VAV3: variants seen among roughly 807,000 people sequenced by gnomAD.
VAV3 encodes guanine nucleotide exchange factor VAV3.
VAV3 carries 94 observed loss-of-function variants against 131.2 expected under a neutral mutation model. The observed-to-expected ratio is 0.72, with a 90% CI of 0.61 to 0.85. The LOEUF is 0.85. VAV3 is among the 40% of genes least tolerant of loss of function. VAV3 has a pLI of 0.00. For missense variants in VAV3, 939 were observed against 1,002.7 expected (o/e 0.94, Z 0.86); for synonymous variants, 349 against 342.0 (o/e 1.02, Z -0.22).
chr1:107,659,593 A>G (rs1017440718), intron 19 of VAV3, among the ~76,000 whole-genome samples: 5 of 152,188 alleles, frequency 3.3e-5, no homozygotes, highest in Admixed American at 6.5e-5. Flanking sequence ...GATAAACATA[A>G]AAATATTTTG....
chr1:107,921,617 C>A (rs1672901931), intron 1 of VAV3, among the ~76,000 whole-genome samples: 1 of 152,180 alleles, frequency 6.6e-6, no homozygotes, highest in Admixed American at 6.5e-5. Flanking sequence ...CCATAACCAG[C>A]CATCCCTTAG....
intron 1 of VAV3, among the ~76,000 whole-genome samples, chr1:107,928,250 C>T (rs1024701262): frequency 6.6e-6 from 1 of 152,090 alleles, no homozygotes; most frequent in Admixed American, 6.5e-5. Context: ...GATCACAACA[C>T]CCAAGTCCTT....
chr1:107,743,218 T>C (rs764104226), intron 15 of VAV3, among the ~76,000 whole-genome samples: 4 of 152,162 alleles, frequency 2.6e-5, no homozygotes, highest in Non-Finnish European at 2.9e-5. Flanking sequence ...CAGAGCTTTC[T>C]AAGAGGGGCA....
At chr1:107,717,075 G>A (rs916745130) in intron 15 of VAV3, among the ~76,000 whole-genome samples, 12 of 152,102 alleles carry the variant, frequency 7.9e-5, no homozygotes, top group South Asian at 4.1e-4. Flanking sequence ...CTGTGGGATC[G>A]ATGGTGATAT....
intron 19 of VAV3, among the ~76,000 whole-genome samples, chr1:107,679,591 T>C (rs1259213984): frequency 6.6e-6 from 1 of 152,150 alleles, no homozygotes; most frequent in East Asian, 1.9e-4. Flanking sequence ...AAAGAATACA[T>C]GCCCTGGTAT....
At chr1:107,698,091 G>A (rs775507100) in intron 17 of VAV3, among the ~76,000 whole-genome samples, 4 of 152,114 alleles carry the variant, frequency 2.6e-5, no homozygotes, top group Non-Finnish European at 5.9e-5. Context: ...CTGTGCCTTG[G>A]TTTCTCATCT....
At chr1:107,920,013 G>A (rs1672818024) in intron 1 of VAV3, among the ~76,000 whole-genome samples, 1 of 152,062 alleles carries the variant, frequency 6.6e-6, no homozygotes, top group Non-Finnish European at 1.5e-5. Flanking sequence ...AAAAATCGGT[G>A]GTAATCTTTT....
chr1:107,871,280 G>A (rs964184906), intron 2 of VAV3, among the ~76,000 whole-genome samples: 1 of 151,898 alleles, frequency 6.6e-6, no homozygotes, highest in South Asian at 2.1e-4. Context: ...TTTTTCAAAA[G>A]TAAGAAAGTA....
chr1:107,945,168 G>A (rs1674189852), intron 1 of VAV3, among the ~76,000 whole-genome samples: 1 of 152,098 alleles, frequency 6.6e-6, no homozygotes, highest in Non-Finnish European at 1.5e-5. Flanking sequence ...ATGAAAAGCT[G>A]ATAGATATTA....
chr1:107,599,167 C>T (rs892933686), intron 24 of VAV3, among the ~76,000 whole-genome samples: 3 of 152,122 alleles, frequency 2.0e-5, no homozygotes, highest in African/African-American at 7.2e-5. Flanking sequence ...AGCTGCAAAA[C>T]ACTCTTTATC....
rs116784016 is a variant in VAV3 at position 107,901,125 on chromosome 1, G to A, written c.205-26108C>T. On this transcript the variant is annotated intron_variant, in intron 1 of 26. Transcript: ENST00000370056. ...CTATAAATGCTGACAGTATAGCAAG[G>A]GAAAAATAATTTACACCAGCTGGGG... Among the ~76,000 whole-genome samples, 547 of 152,252 alleles carry A rather than the reference G, an allele frequency of 3.6e-3. 6 individuals carry two copies. The highest frequency in any genetic ancestry group is 0.013 in the African/African-American group (520 of 41,534).
intron 2 of VAV3, among the ~76,000 whole-genome samples, chr1:107,782,761 A>C (rs1166354442): frequency 6.6e-6 from 1 of 152,240 alleles, no homozygotes; most frequent in Admixed American, 6.5e-5. Context: ...CCGGATTTGG[A>C]ATAGACAAGT....
In VAV3 at chr1:107,709,809, A is replaced by G. The variant is rs139557468; in HGVS notation, c.1503-4748T>C. Among the ~76,000 whole-genome samples the G allele has an allele frequency of 4.3e-3, 654 of 152,252 alleles. 3 individuals are homozygous for G. Among genetic ancestry groups the G allele is most frequent in the African/African-American group, 0.015 (627 of 41,536 alleles). The stretch of plus-strand genomic sequence containing the variant: ...AAAGGACGTGTTTGTCTCCCCTTCT[A>G]CCATGACTATAAGTTTCCTGAGGCC... On this transcript the variant is annotated intron_variant, in intron 15 of 26. Transcript: ENST00000370056.
At chr1:107,600,684 C>T (rs1449454786) in intron 24 of VAV3, among the ~76,000 whole-genome samples, 4 of 152,078 alleles carry the variant, frequency 2.6e-5, no homozygotes, top group Non-Finnish European at 5.9e-5. Context: ...ACAGCTTTTA[C>T]ATGCAGATAG....
intron 1 of VAV3, among the ~76,000 whole-genome samples, chr1:107,957,761 C>A (rs1466291272): frequency 1.3e-5 from 2 of 151,758 alleles, no homozygotes; most frequent in Admixed American, 1.3e-4. Flanking sequence ...TCAATTGCTA[C>A]AGGGGATTCG....
At chr1:107,812,737 T>C (rs181285840) in intron 2 of VAV3, among the ~76,000 whole-genome samples, 2 of 152,184 alleles carry the variant, frequency 1.3e-5, no homozygotes, top group Admixed American at 6.5e-5. Context: ...GCACTAGGAA[T>C]AGGATAAAAA....
chr1:107,912,891 C>T (rs551159872), intron 1 of VAV3, among the ~76,000 whole-genome samples: 6 of 152,294 alleles, frequency 3.9e-5, no homozygotes, highest in African/African-American at 1.4e-4. Flanking sequence ...TTTTCCACAA[C>T]CACACTTTCC....
intron 25 of VAV3, among the ~76,000 whole-genome samples, chr1:107,579,596 A>G (rs1204650243): frequency 2.0e-5 from 3 of 152,228 alleles, no homozygotes; most frequent in East Asian, 3.8e-4. Flanking sequence ...TCAGGTATCT[A>G]TATCATTCCT....
intron 20 of VAV3, among the ~76,000 whole-genome samples, chr1:107,639,866 T>G (rs1655209737): frequency 6.6e-6 from 1 of 151,486 alleles, no homozygotes; most frequent in Non-Finnish European, 1.5e-5. Flanking sequence ...CCCAGGAGTT[T>G]GAGGCTACAG....
Sources: gnomAD v4.1 joint callset for allele counts (sites outside exome capture counted in the v4.1 genomes callset) on GRCh38, gnomAD v4.1.1 for gene constraint, MANE v1.5 for transcripts, NCBI Gene and HGNC (gene_info 2026-07-23, HGNC 2026-07-21) for gene names.